EXD1: variants seen among roughly 807,000 people sequenced by gnomAD.
EXD1 encodes exonuclease 3'-5' domain containing 1.
Under a neutral mutation model 49.1 loss-of-function variants are expected in EXD1, and 63 were observed. The observed-to-expected ratio is 1.28, with a 90% CI of 1.05 to 1.58. EXD1 has a LOEUF of 1.58. EXD1 is among the 40% of genes most tolerant of loss of function. The probability of loss-of-function intolerance (pLI) is 0.00; values close to 1 mark genes in which losing one functional copy is unlikely to be tolerated. For missense variants in EXD1, 748 were observed against 666.0 expected, an observed-to-expected ratio of 1.12 and a Z score of -1.36; for synonymous variants, 234 against 239.2, an observed-to-expected ratio of 0.98 and a Z score of 0.20.
In EXD1 at chr15:41,217,279, C is replaced by T. The variant is rs1211369762; in HGVS notation, c.203-125G>A. The T allele has an allele frequency of 1.3e-5, 10 of 754,874 alleles. 1 individual carries two copies. The highest frequency in any genetic ancestry group is 2.3e-4 in the Middle Eastern group (1 of 4,356). The allele number at this position is 754,874 out of a possible 1,614,324, so 46.8% of individuals were successfully genotyped here. ...AATAATTGGAAATGACATGTTAGTCCACGGAGGCTTTTACTGGCCAGCAAT... is the reference window on the plus strand; with the variant it reads ...AATAATTGGAAATGACATGTTAGTCTACGGAGGCTTTTACTGGCCAGCAAT... On this transcript the variant is annotated intron_variant, in intron 3 of 11. Coordinates refer to ENST00000458580, the MANE Select transcript of EXD1 (RefSeq NM_001286441.2).
Position 41,215,823 on chromosome 15 carries a change from C to A in EXD1, c.399G>T (p.Glu133Asp). ...DLKYSPSEEE[E>D]VTYTVINQFQ... ...ATTGATTAATGACTGTGTATGTCACCTCCTCTTCCTCTACAAGACAAGGAT... is the reference window on the plus strand; with the variant it reads ...ATTGATTAATGACTGTGTATGTCACATCCTCTTCCTCTACAAGACAAGGAT... Residue 133 changes from glutamate (E) to aspartate (D), a missense_variant, in exon 6 of 12, where the codon GAG becomes GAT. Coordinates refer to ENST00000458580, the MANE Select transcript of EXD1 (RefSeq NM_001286441.2). The A allele has an allele frequency of 6.2e-7, 1 of 1,613,928 alleles. No individual in the cohort carries two copies. Among genetic ancestry groups the A allele is most frequent in the Non-Finnish European group, 8.5e-7 (1 of 1,179,886 alleles).
At chr15:41,215,921 C>T (rs2046993270) in intron 5 of EXD1, 88 bp from the exon 6 acceptor site, 1 of 1,321,500 alleles carries the variant, frequency 7.6e-7, no homozygotes, top group Non-Finnish European at 1.1e-6. Flanking sequence ...TCATATATTC[C>T]TACTGTATTG....
chr15:41,199,747 T>TGTGATCTATAATATATCATATATGTGA (rs558589077), intron 7 of EXD1, among the ~76,000 whole-genome samples: 1 of 99,760 alleles, frequency 1.0e-5, no homozygotes. Flanking sequence ...ATGTCATATA[T>TGTGATCTATAATATATCATATATGTGA]TATATATGAT....
intron 7 of EXD1, among the ~76,000 whole-genome samples, chr15:41,200,134 T>A (rs1362880360): frequency 1.3e-5 from 2 of 151,936 alleles, no homozygotes; most frequent in African/African-American, 4.8e-5. Flanking sequence ...AGTCTCCAAC[T>A]CCGGAGCTCA....
chr15:41,208,717 C>T (rs1442048204), intron 7 of EXD1, among the ~76,000 whole-genome samples: 1 of 151,978 alleles, frequency 6.6e-6, no homozygotes. Flanking sequence ...CACCACTGCA[C>T]CCCAGCCTGG....
At chr15:41,188,336 C>T (rs1489811421) in intron 11 of EXD1, among the ~76,000 whole-genome samples, 3 of 150,446 alleles carry the variant, frequency 2.0e-5, no homozygotes, top group Non-Finnish European at 4.4e-5. Flanking sequence ...CTCCTCTTCC[C>T]CCTCCCCTTG....
At chr15:41,222,114 A>G (rs1419731100) in intron 2 of EXD1, among the ~76,000 whole-genome samples, 1 of 151,590 alleles carries the variant, frequency 6.6e-6, no homozygotes, top group African/African-American at 2.4e-5. Flanking sequence ...AAAAAAACAA[A>G]AAAAGAATTT....
chr15:41,206,010 T>C (rs1014864381), intron 7 of EXD1, among the ~76,000 whole-genome samples: 1 of 151,232 alleles, frequency 6.6e-6, no homozygotes, highest in Non-Finnish European at 1.5e-5. Flanking sequence ...CTCCCATAAA[T>C]TCTGAATTCT....
At chr15:41,222,415 C>T (rs892066674) in intron 2 of EXD1, among the ~76,000 whole-genome samples, 3 of 152,168 alleles carry the variant, frequency 2.0e-5, no homozygotes, top group Admixed American at 6.5e-5. Flanking sequence ...AGCGCCCAGC[C>T]GCTTTCCCAT....
chr15:41,184,494 C>T lies in EXD1; in HGVS notation c.1156G>A (p.Gly386Arg), dbSNP rs1444045561. Residue 386 changes from glycine (G) to arginine (R), a missense_variant, in exon 12 of 12, where the codon GGA (glycine) becomes AGA (arginine). Transcript: ENST00000458580. ...AAREYRVNAQ[G>R]LLIRTVLQPK... is the part of the protein sequence containing the mutation. ...TGTAGCACTGTCCTTATCAGGAGTC[C>T]CTGTGCATTCACCCTATATTCTCTT... 1 of 1,614,108 alleles carries T rather than the reference C, an allele frequency of 6.2e-7. No individual in the cohort carries two copies. Among genetic ancestry groups the T allele is most frequent in the Non-Finnish European group, 8.5e-7 (1 of 1,180,030 alleles).
At chr15:41,215,388 A>G (rs376420232) in intron 6 of EXD1, among the ~76,000 whole-genome samples, 3 of 152,176 alleles carry the variant, frequency 2.0e-5, no homozygotes, top group African/African-American at 7.2e-5. Context: ...CAAAAATCTT[A>G]TAATAAAGAA....
intron 7 of EXD1, among the ~76,000 whole-genome samples, chr15:41,205,018 A>G (rs992861286): frequency 6.6e-6 from 1 of 152,204 alleles, no homozygotes. Flanking sequence ...TTTTTGTTCA[A>G]TCATATTTCT....
intron 1 of EXD1, among the ~76,000 whole-genome samples, chr15:41,227,833 T>C (rs2047186671): frequency 6.6e-6 from 1 of 152,138 alleles, no homozygotes. Flanking sequence ...GCAGATCACC[T>C]GAGGTCAGGA....
At chr15:41,204,313 G>T (rs554116556) in intron 7 of EXD1, among the ~76,000 whole-genome samples, 2 of 151,466 alleles carry the variant, frequency 1.3e-5, no homozygotes, top group South Asian at 4.2e-4. Flanking sequence ...CACTTTGGGA[G>T]GTCAGGGCAG....
intron 1 of EXD1, among the ~76,000 whole-genome samples, chr15:41,228,654 T>C (rs1345786452): frequency 6.6e-6 from 1 of 152,020 alleles, no homozygotes; most frequent in Non-Finnish European, 1.5e-5. Flanking sequence ...TAAAGAAAAA[T>C]ACATAAAACT....
chr15:41,187,818 C>A (rs1446161085), intron 11 of EXD1, among the ~76,000 whole-genome samples: 1 of 151,928 alleles, frequency 6.6e-6, no homozygotes, highest in Non-Finnish European at 1.5e-5. Flanking sequence ...GAGTTCGAGA[C>A]CAGTCTGACC....
At chr15:41,219,686 T>C (rs1238987532) in intron 3 of EXD1, 144 bp downstream of exon 3, 15 of 630,300 alleles carry the variant, frequency 2.4e-5, no homozygotes, top group Admixed American at 6.5e-5. Context: ...ATTTTACTCA[T>C]AGAGTACCCA....
intron 11 of EXD1, among the ~76,000 whole-genome samples, 164 bp from the exon 12 acceptor site, chr15:41,184,757 C>T (rs1413521715): frequency 6.6e-6 from 1 of 151,654 alleles, no homozygotes; most frequent in East Asian, 1.9e-4. Flanking sequence ...TGGGTTCAGG[C>T]CATTCTCCTG....
Position 41,216,673 on chromosome 15 carries a change from G to A in EXD1, c.383C>T (p.Pro128Leu), listed in dbSNP as rs374859879. 1 of 1,611,032 alleles carries A rather than the reference G, an allele frequency of 6.2e-7. No homozygotes were observed. Among genetic ancestry groups the A allele is most frequent in the Non-Finnish European group, 8.5e-7 (1 of 1,179,514 alleles). ...TSLLNDLKYS[P>L]SEEEEVTYTV... The stretch of plus-strand genomic sequence containing the variant: ...TTCAGAGCCCCTATATTCACCTGAT[G>A]GGCTGTACTTGAGGTCATTCAGCAG... Residue 128 changes from proline (P) to leucine (L), a missense_variant, in exon 5 of 12, where the codon CCA becomes CTA. By Grantham distance (98) the Pro-to-Leu change is moderately conservative. Coordinates refer to ENST00000458580, the MANE Select transcript of EXD1 (RefSeq NM_001286441.2).
Sources: gnomAD v4.1 joint callset for allele counts (sites outside exome capture counted in the v4.1 genomes callset) on GRCh38, gnomAD v4.1.1 for gene constraint, MANE v1.5 for transcripts, NCBI Gene and HGNC (gene_info 2026-07-23, HGNC 2026-07-21) for gene names.